The following DPP10 variants were observed in gnomAD, a reference collection of about 807,000 sequenced individuals.
DPP10 encodes dipeptidyl peptidase like 10.
A neutral mutation model predicts 120.9 loss-of-function variants in DPP10; 33 were observed. That is an observed-to-expected ratio of 0.27 (90% CI 0.21 to 0.37). The LOEUF (loss-of-function observed/expected upper bound fraction) is 0.37, where lower values mean the gene tolerates loss of function less well. Ranked by LOEUF, DPP10 falls within the 10% of genes least tolerant of loss-of-function variation. DPP10 has a pLI of 1.00. For missense variants in DPP10, 816 were observed against 942.8 expected, an observed-to-expected ratio of 0.87 and a Z score of 1.76; for synonymous variants, 337 against 326.1, an observed-to-expected ratio of 1.03 and a Z score of -0.36.
Position 115,635,198 on chromosome 2 carries a change from G to T in DPP10, c.442-54489G>T, listed in dbSNP as rs183724767. ...TCCCCTTGAAAGCTCAGCCATCTTA[G>T]GCAGCATGCAGCCACAGTGATGATG... On this transcript the variant is annotated intron_variant, in intron 5 of 25. Transcript: ENST00000410059. Among the ~76,000 whole-genome samples the T allele has an allele frequency of 1.2e-3, 185 of 150,388 alleles. 1 individual carries two copies. The highest frequency in any genetic ancestry group is 4.3e-3 in the African/African-American group (174 of 40,518).
intron 1 of DPP10, among the ~76,000 whole-genome samples, chr2:114,617,397 A>G (rs191129351): frequency 6.6e-6 from 1 of 152,276 alleles, no homozygotes; most frequent in Non-Finnish European, 1.5e-5. Flanking sequence ...TTGAAATTAC[A>G]TAAAAACAGA....
Position 115,225,868 on chromosome 2 carries a change from C to T in DPP10, c.61-83371C>T, listed in dbSNP as rs560131083. Among the ~76,000 whole-genome samples, 35 of 151,510 alleles carry T rather than the reference C, an allele frequency of 2.3e-4. 1 individual carries two copies. The highest frequency in any genetic ancestry group is 8.0e-4 in the African/African-American group (33 of 41,268). On this transcript the variant is annotated intron_variant, in intron 1 of 25. Transcript: ENST00000410059. ...TGGCAAAGGGTAGAGGAGAAGAGAA[C>T]CAAGATGGACCCGGGGTTTTGTGTC...
At chr2:114,470,015 T>A (rs1183058108) in intron 1 of DPP10, among the ~76,000 whole-genome samples, 1 of 152,206 alleles carries the variant, frequency 6.6e-6, no homozygotes, top group East Asian at 1.9e-4. Flanking sequence ...CTTGAGGTGA[T>A]GTGGGCAGAC....
chr2:115,677,989 A>G (rs745887916), intron 5 of DPP10, among the ~76,000 whole-genome samples: 1 of 152,262 alleles, frequency 6.6e-6, no homozygotes, highest in Non-Finnish European at 1.5e-5. Context: ...CACATAAAAT[A>G]TTATTTAGCA....
intron 5 of DPP10, among the ~76,000 whole-genome samples, chr2:115,650,364 C>T (rs2087649602): frequency 7.1e-6 from 1 of 141,328 alleles, no homozygotes; most frequent in Non-Finnish European, 1.5e-5. Context: ...TCGTCTCGAT[C>T]TTGAAGCATT....
At chr2:115,043,494 A>T (rs894565983) in intron 1 of DPP10, among the ~76,000 whole-genome samples, 1 of 152,240 alleles carries the variant, frequency 6.6e-6, no homozygotes, top group Admixed American at 6.5e-5. Context: ...CAATGGAAAC[A>T]CACAAAGTTT....
chr2:115,491,119 T>C (rs996341521), intron 3 of DPP10, among the ~76,000 whole-genome samples: 17 of 152,104 alleles, frequency 1.1e-4, no homozygotes, highest in Admixed American at 6.6e-5. Flanking sequence ...AGTGAAACTT[T>C]GTTTGAAAAA....
At chr2:114,876,542 A>C (rs1277600664) in intron 1 of DPP10, among the ~76,000 whole-genome samples, 2 of 152,062 alleles carry the variant, frequency 1.3e-5, no homozygotes, top group Non-Finnish European at 1.5e-5. Context: ...GAGAAAAATG[A>C]CGTATGCATA....
intron 3 of DPP10, among the ~76,000 whole-genome samples, chr2:115,401,615 G>A (rs1211569353): frequency 6.6e-6 from 1 of 152,012 alleles, no homozygotes; most frequent in African/African-American, 2.4e-5. Flanking sequence ...TAGACGCAGG[G>A]CAGTATTCCT....
intron 3 of DPP10, among the ~76,000 whole-genome samples, chr2:115,490,290 G>C (rs2076033057): frequency 6.6e-6 from 1 of 152,136 alleles, no homozygotes; most frequent in African/African-American, 2.4e-5. Flanking sequence ...GGCAGCAGGA[G>C]AGAGAATGAG....
At chr2:115,548,145 T>C (rs1273459970) in intron 5 of DPP10, among the ~76,000 whole-genome samples, 1 of 152,196 alleles carries the variant, frequency 6.6e-6, no homozygotes, top group East Asian at 1.9e-4. Flanking sequence ...AATTATGTGC[T>C]GAAGGTTATA....
chr2:114,666,470 A>G (rs1205155979), intron 1 of DPP10, among the ~76,000 whole-genome samples: 2 of 152,224 alleles, frequency 1.3e-5, no homozygotes, highest in African/African-American at 2.4e-5. Flanking sequence ...GAAGACCTAG[A>G]CCTATTAGTA....
At chr2:114,462,053 T>A in intron 1 of DPP10, 1 of 985,288 alleles carries the variant, frequency 1.0e-6, no homozygotes, top group Non-Finnish European at 1.2e-6. Context: ...TGGAGCAGAG[T>A]GTGATATCAA....
At chr2:115,403,199 AC>A (rs1265972529) in intron 3 of DPP10, among the ~76,000 whole-genome samples, 4 of 151,614 alleles carry the variant, frequency 2.6e-5, no homozygotes, top group Non-Finnish European at 4.4e-5. Context: ...AAAACTCAGC[AC>A]CCTTTTCTTA....
intron 4 of DPP10, among the ~76,000 whole-genome samples, chr2:115,502,083 A>G (rs2076711264): frequency 6.6e-6 from 1 of 152,090 alleles, no homozygotes; most frequent in Admixed American, 6.6e-5. Context: ...CTAAAATATG[A>G]CTACAAATTT....
At chr2:115,536,120 A>AC (rs2078817807) in intron 5 of DPP10, among the ~76,000 whole-genome samples, 2 of 152,148 alleles carry the variant, frequency 1.3e-5, no homozygotes, top group Admixed American at 6.6e-5. Flanking sequence ...ATACACACAC[A>AC]AAAAAAGAAG....
chr2:115,708,324 A>G (rs1330877133), intron 7 of DPP10, among the ~76,000 whole-genome samples: 1 of 152,024 alleles, frequency 6.6e-6, no homozygotes, highest in African/African-American at 2.4e-5. Context: ...CCTTAATTCT[A>G]CTTGGTAAAA....
chr2:115,343,759 C>A (rs76093479), intron 2 of DPP10, 58 bp from the exon 3 acceptor site: 2 of 1,214,098 alleles, frequency 1.6e-6, no homozygotes, highest in Non-Finnish European at 1.2e-6. Flanking sequence ...TTGTAATTTG[C>A]TCCTTTTAAA....
intron 7 of DPP10, among the ~76,000 whole-genome samples, chr2:115,726,144 T>G (rs1397875545): frequency 3.9e-5 from 6 of 152,214 alleles, no homozygotes; most frequent in Non-Finnish European, 8.8e-5. Flanking sequence ...GTCCCTTGCC[T>G]TCCTACTATT....
Sources: allele counts gnomAD v4.1 joint callset (sites outside exome capture counted in the v4.1 genomes callset), GRCh38; gene constraint gnomAD v4.1.1; transcripts MANE v1.5; gene names NCBI Gene and HGNC (gene_info 2026-07-23, HGNC 2026-07-21).